ZMYND11: variants seen among roughly 807,000 people sequenced by gnomAD.
ZMYND11 encodes the protein zinc finger MYND domain-containing protein 11.
A neutral mutation model predicts 84.9 loss-of-function variants in ZMYND11; 9 were observed. That is an observed-to-expected ratio of 0.11 (90% CI 0.06 to 0.18). The LOEUF is 0.18. Among genes scored for constraint, ZMYND11 ranks in the 10% least tolerant of loss-of-function variants. ZMYND11 has a pLI of 1.00. For synonymous variants in ZMYND11, 250 were observed against 244.1 expected, an observed-to-expected ratio of 1.02 and a Z score of -0.23; for missense variants, 409 against 761.0, an observed-to-expected ratio of 0.54 and a Z score of 5.44.
upstream of ZMYND11, among the ~76,000 whole-genome samples, chr10:132,086 A>G (rs1294369694): frequency 6.6e-6 from 1 of 152,066 alleles, no homozygotes; most frequent in African/African-American, 2.4e-5. Flanking sequence ...CATATTCAAA[A>G]CATCAATATC....
intron 1 of ZMYND11, among the ~76,000 whole-genome samples, chr10:155,905 A>G (rs1040909789): frequency 2.0e-5 from 3 of 152,238 alleles, no homozygotes; most frequent in East Asian, 1.9e-4. Flanking sequence ...TAAAAGGACA[A>G]GGGAATCCTT....
At chr10:167,658 C>T (rs1554764321) in intron 1 of ZMYND11, among the ~76,000 whole-genome samples, 3 of 152,074 alleles carry the variant, frequency 2.0e-5, no homozygotes, top group Non-Finnish European at 4.4e-5. Flanking sequence ...TATCCATGTT[C>T]TATGCCTGCC....
At chr10:171,772 C>T (rs1393365239) in intron 1 of ZMYND11, among the ~76,000 whole-genome samples, 2 of 152,144 alleles carry the variant, frequency 1.3e-5, no homozygotes, top group African/African-American at 4.8e-5. Context: ...CAGCTAACAT[C>T]ATACTTAATG....
intron 1 of ZMYND11, among the ~76,000 whole-genome samples, chr10:166,581 ATT>A (rs1200524121): frequency 2.0e-5 from 3 of 152,140 alleles, no homozygotes; most frequent in African/African-American, 7.2e-5. Flanking sequence ...AAAGTAAAAA[ATT>A]AGGAATAATA....
intron 2 of ZMYND11, among the ~76,000 whole-genome samples, chr10:201,062 A>G (rs1943058238): frequency 6.6e-6 from 1 of 151,964 alleles, no homozygotes. Context: ...TTTGACAGCA[A>G]GATACTAGAT....
intron 10 of ZMYND11, 41 bp from the exon 11 acceptor site, chr10:246,725 T>G: frequency 6.3e-7 from 1 of 1,594,222 alleles, no homozygotes; most frequent in Non-Finnish European, 8.6e-7. Context: ...CTTCCTGCCA[T>G]TTGGGATGTT....
At chr10:241,810 C>G (rs751566830) in intron 9 of ZMYND11, among the ~76,000 whole-genome samples, 1 of 152,028 alleles carries the variant, frequency 6.6e-6, no homozygotes. Context: ...TGCTCCAGTC[C>G]CGACCTCTTC....
chr10:172,620 T>C (rs1305114525), intron 1 of ZMYND11, among the ~76,000 whole-genome samples: 9 of 152,168 alleles, frequency 5.9e-5, no homozygotes, highest in African/African-American at 2.2e-4. Flanking sequence ...AATGATGAGA[T>C]ATTCCATGTT....
At chr10:205,366 G>T (rs184718406) in intron 2 of ZMYND11, among the ~76,000 whole-genome samples, 7 of 152,126 alleles carry the variant, frequency 4.6e-5, no homozygotes, top group Admixed American at 3.3e-4. Flanking sequence ...ATTAGATTAG[G>T]TAATGATACC....
At chr10:141,153 TG>T (rs2131137174) in intron 1 of ZMYND11, among the ~76,000 whole-genome samples, 1 of 152,348 alleles carries the variant, frequency 6.6e-6, no homozygotes, top group Admixed American at 6.5e-5. Context: ...TACATCAGTG[TG>T]TTTATAGTTC....
intron 1 of ZMYND11, among the ~76,000 whole-genome samples, chr10:136,436 G>A (rs1363436312): frequency 2.0e-5 from 3 of 152,072 alleles, no homozygotes; most frequent in African/African-American, 7.2e-5. Context: ...GCAGTACCGG[G>A]GATTATATAT....
chr10:236,356 A>G (rs1399563462), intron 4 of ZMYND11, among the ~76,000 whole-genome samples: 1 of 152,366 alleles, frequency 6.6e-6, no homozygotes, highest in East Asian at 1.9e-4. Flanking sequence ...CATGGTGCTC[A>G]GAAATGGAGA....
At chr10:220,288 G>T (rs1032093483) in intron 3 of ZMYND11, among the ~76,000 whole-genome samples, 3 of 152,066 alleles carry the variant, frequency 2.0e-5, no homozygotes, top group Non-Finnish European at 2.9e-5. Context: ...TGTTCATTTG[G>T]TTACTACATC....
chr10:169,695 A>G (rs1367285300), intron 1 of ZMYND11, among the ~76,000 whole-genome samples: 4 of 152,170 alleles, frequency 2.6e-5, no homozygotes, highest in African/African-American at 9.7e-5. Flanking sequence ...TAAGGAGAGA[A>G]TCTCTGAATG....
chr10:223,927 A>G (rs976250339), intron 4 of ZMYND11, among the ~76,000 whole-genome samples: 11 of 152,190 alleles, frequency 7.2e-5, no homozygotes, highest in Admixed American at 2.6e-4. Context: ...GTGGTTCCGA[A>G]TCAGAATAAC....
At chr10:147,392 T>TG (rs1554755684) in intron 1 of ZMYND11, among the ~76,000 whole-genome samples, 2 of 152,214 alleles carry the variant, frequency 1.3e-5, no homozygotes, top group Admixed American at 6.5e-5. Context: ...TTGTCATAGA[T>TG]GGCTTTTCAT....
intron 2 of ZMYND11, among the ~76,000 whole-genome samples, chr10:188,435 A>G (rs192464083): frequency 6.6e-5 from 10 of 151,428 alleles, no homozygotes; most frequent in African/African-American, 2.4e-4. Context: ...AAAAAAAAAA[A>G]CCACAAAATT....
chr10:241,842 G>T (rs1951009676), intron 9 of ZMYND11, among the ~76,000 whole-genome samples, 179 bp from the exon 10 acceptor site: 1 of 151,946 alleles, frequency 6.6e-6, no homozygotes, highest in South Asian at 2.1e-4. Flanking sequence ...GTTCATGTTG[G>T]CACTCTGATG....
intron 1 of ZMYND11, among the ~76,000 whole-genome samples, chr10:139,868 C>T (rs907614885): frequency 2.0e-5 from 3 of 152,004 alleles, no homozygotes; most frequent in East Asian, 1.9e-4. Context: ...GGAGCCACCA[C>T]GCCTGGCTAA....
Sources: allele counts gnomAD v4.1 joint callset (sites outside exome capture counted in the v4.1 genomes callset), GRCh38; gene constraint gnomAD v4.1.1; transcripts MANE v1.5; gene names NCBI Gene and HGNC (gene_info 2026-07-23, HGNC 2026-07-21).